WDR70: variants seen among roughly 807,000 people sequenced by gnomAD.
WDR70 encodes WD repeat-containing protein 70.
WDR70 carries 53 observed loss-of-function variants against 88.6 expected under a neutral mutation model. The observed-to-expected ratio is 0.60, with a 90% CI of 0.48 to 0.75. The LOEUF (loss-of-function observed/expected upper bound fraction) is 0.75. Ranked by LOEUF, WDR70 falls within the 30% of genes least tolerant of loss-of-function variation. The pLI is 0.00. For missense variants in WDR70, 610 were observed against 823.2 expected (o/e 0.74, Z 3.17); for synonymous variants, 280 against 270.0 (o/e 1.04, Z -0.36).
intron 3 of WDR70, among the ~76,000 whole-genome samples, chr5:37,382,921 G>A (rs1561831022): frequency 6.6e-6 from 1 of 151,924 alleles, no homozygotes; most frequent in Non-Finnish European, 1.5e-5. Context: ...GGTGAGGCAG[G>A]AGAATCGCTT....
intron 8 of WDR70, chr5:37,506,240 GA>G (rs1220774260): frequency 3.3e-5 from 31 of 943,008 alleles, no homozygotes; most frequent in Non-Finnish European, 3.5e-5. Context: ...TCAAAAATCG[GA>G]CAAATTCCTT....
intron 9 of WDR70, among the ~76,000 whole-genome samples, chr5:37,567,265 T>A (rs1311104345): frequency 1.3e-5 from 2 of 152,102 alleles, no homozygotes; most frequent in Non-Finnish European, 2.9e-5. Flanking sequence ...ATAACCTAAA[T>A]CCATGGTCTC....
chr5:37,472,936 T>A (rs147182265), intron 7 of WDR70, among the ~76,000 whole-genome samples: 20 of 152,178 alleles, frequency 1.3e-4, no homozygotes, highest in Non-Finnish European at 2.6e-4. Flanking sequence ...TAGGTACATG[T>A]TTACCTTTAT....
intron 5 of WDR70, among the ~76,000 whole-genome samples, chr5:37,399,774 A>G (rs963563691): frequency 2.0e-5 from 3 of 152,122 alleles, no homozygotes; most frequent in Admixed American, 6.6e-5. Flanking sequence ...GAGATAGGAA[A>G]TTACCCTTGA....
Position 37,697,690 on chromosome 5 carries a change from C to T in WDR70, c.1128C>T (p.Asp376=), listed in dbSNP as rs1310572497. The T allele has an allele frequency of 6.2e-7, 1 of 1,613,812 alleles. No homozygotes were observed. The highest frequency in any genetic ancestry group is 8.5e-7 in the Non-Finnish European group (1 of 1,179,782). The change falls in exon 11 of 18, where the codon GAC becomes GAT. Residue 376 remains aspartate (D), a synonymous_variant. Transcript: ENST00000265107. ...AGTTCCACTATAAACAGGCTCATGA[C>T]TCGGGCACAGACACTTCTTGCGTGA... ...HPKFHYKQAH[D]SGTDTSCVTF...
At chr5:37,445,172 G>C (rs1295971361) in intron 7 of WDR70, among the ~76,000 whole-genome samples, 1 of 152,050 alleles carries the variant, frequency 6.6e-6, no homozygotes, top group African/African-American at 2.4e-5. Context: ...GTATTGTCTA[G>C]CTGTTTCACT....
chr5:37,599,728 C>G lies in WDR70; in HGVS notation c.918-5336C>G, dbSNP rs146341382. ...CCAGCATGGCAAAACCCCATCTCTACTAAAAATACAAAAAATTTGCCAGGC... is the reference window on the plus strand; with the variant it reads ...CCAGCATGGCAAAACCCCATCTCTAGTAAAAATACAAAAAATTTGCCAGGC... On this transcript the variant is annotated intron_variant, in intron 9 of 17. Transcript: ENST00000265107. 5.7e-3 allele frequency among the ~76,000 whole-genome samples: 863 copies of G among 152,006 alleles called. 6 individuals carry two copies. The highest frequency in any genetic ancestry group is 0.019 in the African/African-American group (789 of 41,468).
chr5:37,530,985 A>G (rs1011334190), intron 9 of WDR70, among the ~76,000 whole-genome samples: 7 of 151,774 alleles, frequency 4.6e-5, no homozygotes, highest in Non-Finnish European at 8.8e-5. Context: ...AGAGGTTTTG[A>G]TAGGTTGTGT....
chr5:37,633,664 G>GGAAA (rs1308045895), intron 10 of WDR70, among the ~76,000 whole-genome samples: 1 of 152,030 alleles, frequency 6.6e-6, no homozygotes, highest in Non-Finnish European at 1.5e-5. Context: ...TGAAATATGT[G>GGAAA]TCGCAAAGAG....
At chr5:37,523,045 C>T (rs1376197965) in intron 9 of WDR70, among the ~76,000 whole-genome samples, 34 of 152,242 alleles carry the variant, frequency 2.2e-4, no homozygotes, top group Admixed American at 2.2e-3. Context: ...GTAGACTCCA[C>T]CTCTGGGGGC....
intron 9 of WDR70, among the ~76,000 whole-genome samples, chr5:37,602,271 T>A (rs144155245): frequency 2.1e-4 from 29 of 141,422 alleles, no homozygotes; most frequent in African/African-American, 7.2e-4. Context: ...ATTAAAAAAA[T>A]ACTTAGGGAA....
chr5:37,642,121 G>C lies in WDR70; in HGVS notation c.1092+36883G>C, dbSNP rs998505332. Among the ~76,000 whole-genome samples, 9 of 152,136 alleles carry C rather than the reference G, an allele frequency of 5.9e-5. No homozygotes were observed. In the South Asian group the frequency reaches 1.0e-3, roughly 18 times the overall value. On this transcript the variant is annotated intron_variant, in intron 10 of 17. Coordinates refer to ENST00000265107, the MANE Select transcript of WDR70 (RefSeq NM_018034.4). Reference sequence around the variant, plus strand: ...TCCTACACTTACGCAAGTTTAACAAGTGTTTCTTCTGAGATCAGCTAACTG... The same window carrying C: ...TCCTACACTTACGCAAGTTTAACAACTGTTTCTTCTGAGATCAGCTAACTG...
At chr5:37,703,166 G>A (rs1450880852) in intron 13 of WDR70, 79 bp downstream of exon 13, 8 of 1,547,358 alleles carry the variant, frequency 5.2e-6, no homozygotes. Context: ...TGTTTGTTAA[G>A]TAGAATATAA....
At chr5:37,487,815 G>A (rs1739935719) in intron 8 of WDR70, among the ~76,000 whole-genome samples, 2 of 151,226 alleles carry the variant, frequency 1.3e-5, no homozygotes, top group South Asian at 2.1e-4. Context: ...TAGTAGAGTC[G>A]GGATTTCACC....
At chr5:37,545,541 GT>G (rs113470000) in intron 9 of WDR70, among the ~76,000 whole-genome samples, 9 of 145,094 alleles carry the variant, frequency 6.2e-5, no homozygotes, top group East Asian at 2.0e-4. Flanking sequence ...TTTTGTTTTT[GT>G]TTTTTTTTTG....
chr5:37,752,335 T>C (rs1748837583), intron 17 of WDR70, 151 bp from the exon 18 acceptor site: 3 of 598,312 alleles, frequency 5.0e-6, no homozygotes, highest in Non-Finnish European at 8.7e-6. Flanking sequence ...CCATTATCTT[T>C]TTCTTTGCCA....
At chr5:37,548,661 T>G (rs1742061746) in intron 9 of WDR70, among the ~76,000 whole-genome samples, 1 of 152,188 alleles carries the variant, frequency 6.6e-6, no homozygotes, top group Admixed American at 6.5e-5. Context: ...ATTCCATTTC[T>G]TCATTTTTGA....
At chr5:37,654,682 A>G (rs186727784) in intron 10 of WDR70, among the ~76,000 whole-genome samples, 197 of 152,166 alleles carry the variant, frequency 1.3e-3, no homozygotes, top group African/African-American at 4.6e-3. Flanking sequence ...GCATTGATCA[A>G]TCCCTTTACC....
At chr5:37,523,553 A>T (rs1045894803) in intron 9 of WDR70, among the ~76,000 whole-genome samples, 2 of 152,224 alleles carry the variant, frequency 1.3e-5, no homozygotes, top group East Asian at 3.8e-4. Context: ...AAAAGCTGAA[A>T]ATTCTAAAAA....
Sources: gnomAD v4.1 joint callset for allele counts (sites outside exome capture counted in the v4.1 genomes callset) on GRCh38, gnomAD v4.1.1 for gene constraint, MANE v1.5 for transcripts, NCBI Gene and HGNC (gene_info 2026-07-23, HGNC 2026-07-21) for gene names.